Variants in SCO1 observed in about 807,000 individuals in gnomAD.
SCO1 encodes synthesis of cytochrome C oxidase 1, also known as cytochrome c oxidase assembly factor SCO1.
A neutral mutation model predicts 34.0 loss-of-function variants in SCO1; 23 were observed. The observed-to-expected ratio is 0.68, with a 90% CI of 0.49 to 0.96. The LOEUF (loss-of-function observed/expected upper bound fraction) is 0.96. Among genes scored for constraint, SCO1 ranks in the 40% least tolerant of loss-of-function variants. The probability of loss-of-function intolerance (pLI) is 0.00; values close to 1 mark genes in which losing one functional copy is unlikely to be tolerated. For missense variants in SCO1, 404 were observed against 381.6 expected, an observed-to-expected ratio of 1.06 and a Z score of -0.49; for synonymous variants, 161 against 145.5, an observed-to-expected ratio of 1.11 and a Z score of -0.77.
In SCO1 at chr17:10,676,941, G is replaced by C. The variant is rs1350435740; in HGVS notation, c.*4178C>G. The C allele has an allele frequency of 6.6e-6, 1 of 152,200 alleles. No homozygotes were observed. Among genetic ancestry groups the C allele is most frequent in the African/African-American group, 2.4e-5 (1 of 41,450 alleles). The allele number at this position is 152,200 out of a possible 1,614,324, so 9.4% of individuals were successfully genotyped here. ...TATGTGGCTAAAGAGGCTATTACTT[G>C]AATCTTGTTAATGAATAGAAATAAC... On this transcript the variant is annotated 3_prime_UTR_variant, in exon 6 of 6. Transcript: ENST00000255390.
chr17:10,691,062 C>T (rs1476885309), intron 4 of SCO1, among the ~76,000 whole-genome samples: 1 of 152,078 alleles, frequency 6.6e-6, no homozygotes, highest in African/African-American at 2.4e-5. Context: ...GACTCTGTAC[C>T]CCATAAATAT....
In SCO1 at chr17:10,680,906, C is replaced by G; in HGVS notation, c.*213G>C. 1.7e-6 allele frequency: 1 copy of G among 605,908 alleles called. No individual in the cohort carries two copies. The highest frequency in any genetic ancestry group is 3.0e-5 in the East Asian group (1 of 33,634). The allele number at this position is 605,908 out of a possible 1,614,324, so 37.5% of individuals were successfully genotyped here. ...GATCCTCTGGTCTCCCCACAGCTTC[C>G]TGGGAGACTTTGGGTTGTAATCTTT... On this transcript the variant is annotated 3_prime_UTR_variant, in exon 6 of 6. Transcript: ENST00000255390.
intron 4 of SCO1, 91 bp from the exon 5 acceptor site, chr17:10,686,933 C>A (rs2074660576): frequency 6.2e-6 from 5 of 802,624 alleles, no homozygotes; most frequent in Non-Finnish European, 1.1e-5. Context: ...TAAAGCAGCT[C>A]TACTGCCACT....
intron 4 of SCO1, among the ~76,000 whole-genome samples, chr17:10,688,338 T>C (rs2074669550): frequency 6.6e-6 from 1 of 152,152 alleles, no homozygotes; most frequent in African/African-American, 2.4e-5. Flanking sequence ...GGTCAAAAGA[T>C]ATGAACAGAC....
chr17:10,695,470 T>G (rs1280422878), intron 2 of SCO1: 1 of 401,180 alleles, frequency 2.5e-6, no homozygotes, highest in Admixed American at 3.9e-5. Flanking sequence ...AAGACATTGA[T>G]AGAAAAACAA....
rs2074590580 is a variant in SCO1, at chr17:10,677,658, T to A, written c.*3461A>T. ...TACACTTAAGATATCAGCTGCTTCA[T>A]GAACAGCCAGACACATGAATACATT... On this transcript the variant is annotated 3_prime_UTR_variant, in exon 6 of 6. Coordinates refer to ENST00000255390, the MANE Select transcript of SCO1 (RefSeq NM_004589.4). 1 of 152,248 alleles carries A rather than the reference T, an allele frequency of 6.6e-6. No homozygotes were observed. The highest frequency in any genetic ancestry group is 2.4e-5 in the African/African-American group (1 of 41,472). The allele number at this position is 152,248 out of a possible 1,614,324, so 9.4% of individuals were successfully genotyped here.
intron 4 of SCO1, among the ~76,000 whole-genome samples, chr17:10,689,041 G>T (rs1049440982): frequency 2.0e-5 from 3 of 147,492 alleles, no homozygotes; most frequent in Non-Finnish European, 4.4e-5. Context: ...GCGTGAACCC[G>T]GGAGGCGGAG....
Position 10,692,803 on chromosome 17 carries a change from C to G in SCO1, c.523G>C (p.Glu175Gln). 6.2e-7 allele frequency: 1 copy of G among 1,614,154 alleles called. No individual in the cohort carries two copies. The highest frequency in any genetic ancestry group is 8.5e-7 in the Non-Finnish European group (1 of 1,180,016). Reference protein sequence around the residue: ...GFTHCPDVCPEELEKMIQVVD... With the variant: ...GFTHCPDVCPQELEKMIQVVD... ...ACTTGAATCATCTTTTCTAGTTCTT[C>G]TGGACAGACATCAGGGCAATGAGTG... is the stretch of plus-strand genomic sequence containing the variant. Residue 175 changes from glutamate (E) to glutamine (Q), a missense_variant, in exon 3 of 6, where the codon GAA (glutamate) becomes CAA (glutamine). Physicochemically the swap from Glu to Gln is conservative, Grantham distance 29 (BLOSUM62 2). Transcript: ENST00000255390.
chr17:10,685,743 G>C (rs1176434292), intron 5 of SCO1, among the ~76,000 whole-genome samples: 1 of 152,106 alleles, frequency 6.6e-6, no homozygotes, highest in Admixed American at 6.6e-5. Context: ...ACCTCTACTG[G>C]GGACACAGTG....
At chr17:10,692,667 A>G (rs2074696807) in intron 3 of SCO1, 97 bp downstream of exon 3, 1 of 997,486 alleles carries the variant, frequency 1.0e-6, no homozygotes, top group Non-Finnish European at 1.6e-6. Context: ...CAAATCACAT[A>G]ATTGCAAAAC....
chr17:10,696,120 T>C (rs544167661), intron 1 of SCO1, among the ~76,000 whole-genome samples: 25 of 145,232 alleles, frequency 1.7e-4, no homozygotes, highest in Admixed American at 1.7e-3. Flanking sequence ...CGATTGTTAC[T>C]ATGTGTGACC....
Position 10,681,029 on chromosome 17 carries a change from G to A in SCO1, c.*90C>T, listed in dbSNP as rs1006167865. 179 of 1,429,426 alleles carry A rather than the reference G, an allele frequency of 1.3e-4. No individual in the cohort carries two copies. The highest frequency in any genetic ancestry group is 9.9e-5 in the Non-Finnish European group (100 of 1,013,172). The allele number at this position is 1,429,426 out of a possible 1,614,324, so 88.5% of individuals were successfully genotyped here. On this transcript the variant is annotated 3_prime_UTR_variant, in exon 6 of 6. Coordinates refer to ENST00000255390, the MANE Select transcript of SCO1 (RefSeq NM_004589.4). The stretch of plus-strand genomic sequence containing the variant: ...ATGAAGGCCATTCTGTAGAGTGCAC[G>A]TATATATGTTTATATTTATATAGGC...
chr17:10,692,755 C>T lies in SCO1; in HGVS notation c.562+9G>A, dbSNP rs756562971. On this transcript the variant is annotated intron_variant, in intron 3 of 5. Transcript: ENST00000255390. ...ATATACTTTGTTTAGTTAGTGATGG[C>T]TTTCTTACCTATTTCATCCACGACT... 13 of 1,611,208 alleles carry T rather than the reference C, an allele frequency of 8.1e-6. No homozygotes were observed. The Admixed American group carries it at 2.2e-4, about 27-fold the overall frequency.
At chr17:10,686,581 C>CAAA (rs10712779) in intron 5 of SCO1, 146 bp downstream of exon 5, 18 of 521,036 alleles carry the variant, frequency 3.5e-5, no homozygotes, top group South Asian at 6.5e-5. Flanking sequence ...GACTCCATCT[C>CAAA]AAAAAAAAAA....
rs2074555006 is a variant in SCO1, at chr17:10,672,820, A to C, written c.*8299T>G. 6.6e-6 allele frequency: 1 copy of C among 152,118 alleles called. No individual in the cohort carries two copies. Among genetic ancestry groups the C allele is most frequent in the Admixed American group, 6.5e-5 (1 of 15,278 alleles). The allele number at this position is 152,118 out of a possible 1,614,324, so 9.4% of individuals were successfully genotyped here. ...AGTCATTATTACATTGATTCTATTTATTATAGATTCTGTGTGGTTATTGTG... is the reference window on the plus strand; with the variant it reads ...AGTCATTATTACATTGATTCTATTTCTTATAGATTCTGTGTGGTTATTGTG... On this transcript the variant is annotated 3_prime_UTR_variant, in exon 6 of 6. Transcript: ENST00000255390.
intron 4 of SCO1, among the ~76,000 whole-genome samples, chr17:10,691,085 T>C (rs911694423): frequency 6.6e-5 from 10 of 152,172 alleles, no homozygotes; most frequent in African/African-American, 2.2e-4. Flanking sequence ...ACAACTGTTA[T>C]GTGTCAATTA....
intron 4 of SCO1, among the ~76,000 whole-genome samples, chr17:10,691,161 C>G (rs116996237): frequency 6.6e-6 from 1 of 152,140 alleles, no homozygotes; most frequent in South Asian, 2.1e-4. Context: ...GCTCTGTTGC[C>G]CAGGCTGAAG....
intron 1 of SCO1, 37 bp downstream of exon 1, chr17:10,697,198 G>C (rs113116879): frequency 6.8e-7 from 1 of 1,480,608 alleles, no homozygotes. Context: ...GCCGACAGCC[G>C]CGACGAGCAC....
At position 10,686,728 on chromosome 17, in the gene SCO1, A is replaced by G; in HGVS notation, c.770T>C (p.Ile257Thr). The change falls in exon 5 of 6, where the codon ATA becomes ACA. Residue 257 changes from isoleucine to threonine, a missense_variant and splice_region_variant. Physicochemically the swap from Ile to Thr is moderately conservative, Grantham distance 89 (BLOSUM62 -1). Coordinates refer to ENST00000255390, the MANE Select transcript of SCO1 (RefSeq NM_004589.4). ...PGPKDEDEDY[I>T]VDHTIIMYLI... ...GTTAAAACTGGAACATTTACTCACT[A>G]TGTAGTCTTCATCTTCGTCCTTGGG... 6.3e-7 allele frequency: 1 copy of G among 1,580,056 alleles called. No homozygotes were observed.
Sources: allele counts gnomAD v4.1 joint callset (sites outside exome capture counted in the v4.1 genomes callset), GRCh38; gene constraint gnomAD v4.1.1; transcripts MANE v1.5; gene names NCBI Gene and HGNC (gene_info 2026-07-23, HGNC 2026-07-21).